FUT8: variants seen among roughly 807,000 people sequenced by gnomAD.
FUT8 encodes alpha-(1,6)-fucosyltransferase.
FUT8 carries 29 observed loss-of-function variants against 71.3 expected under a neutral mutation model. That is an observed-to-expected ratio of 0.41 (90% CI 0.30 to 0.55). The LOEUF (loss-of-function observed/expected upper bound fraction) is 0.55, where lower values mean the gene tolerates loss of function less well. Ranked by LOEUF, FUT8 falls within the 20% of genes least tolerant of loss-of-function variation. The pLI is 0.34. For synonymous variants in FUT8, 254 were observed against 239.3 expected (o/e 1.06, Z -0.57); for missense variants, 544 against 702.1 (o/e 0.77, Z 2.55).
In FUT8 at chr14:65,665,484, C is replaced by T. The variant is rs907267045; in HGVS notation, c.598-3759C>T. ...AGTGAAAGAAAGAACTTATACACTG[C>T]TGGTGGGAGTGTAAATTAGTTCAGC... is the stretch of plus-strand genomic sequence containing the variant. On this transcript the variant is annotated intron_variant, in intron 6 of 10. Coordinates refer to ENST00000673929, the MANE Select transcript of FUT8 (RefSeq NM_001371533.1). 2.0e-5 allele frequency among the ~76,000 whole-genome samples: 3 copies of T among 152,098 alleles called. No individual in the cohort carries two copies. The South Asian group carries it at 6.2e-4, about 32-fold the overall frequency.
chr14:65,718,737 T>C (rs546637055), intron 7 of FUT8, among the ~76,000 whole-genome samples: 1 of 152,222 alleles, frequency 6.6e-6, no homozygotes, highest in East Asian at 1.9e-4. Flanking sequence ...TCACTGGATA[T>C]ACTATTCTAG....
At chr14:65,706,685 T>TG (rs1203970412) in intron 7 of FUT8, among the ~76,000 whole-genome samples, 1 of 152,152 alleles carries the variant, frequency 6.6e-6, no homozygotes, top group Non-Finnish European at 1.5e-5. Flanking sequence ...ACAAGTTCTC[T>TG]GGGGTCTCCT....
At chr14:65,670,239 A>G (rs1892411292) in intron 7 of FUT8, among the ~76,000 whole-genome samples, 2 of 152,164 alleles carry the variant, frequency 1.3e-5, no homozygotes, top group South Asian at 4.2e-4. Flanking sequence ...ATGATCTTTA[A>G]GATCTAAAGT....
the FUT8 span, among the ~76,000 whole-genome samples, chr14:65,384,974 C>A: frequency 6.6e-6 from 1 of 151,910 alleles, no homozygotes; most frequent in African/African-American, 2.4e-5. The surrounding 1 kb of genome is among the most constrained non-coding windows in gnomAD (Gnocchi z 4.2). Flanking sequence ...TCACCGCAAC[C>A]TCCACTGCCC....
At chr14:65,465,694 T>C (rs768994127) in intron 2 of FUT8, among the ~76,000 whole-genome samples, 1 of 152,240 alleles carries the variant, frequency 6.6e-6, no homozygotes, top group Non-Finnish European at 1.5e-5. Flanking sequence ...GTATATTTTG[T>C]AGTCTCTCTT....
chr14:65,408,356 C>T (rs1272059291), upstream of FUT8, among the ~76,000 whole-genome samples: 1 of 152,166 alleles, frequency 6.6e-6, no homozygotes, highest in Non-Finnish European at 1.5e-5. Flanking sequence ...AGACTGGTGG[C>T]TATAGCTAGT....
intron 2 of FUT8, among the ~76,000 whole-genome samples, chr14:65,547,963 T>G (rs11621680): frequency 0.39 from 58,557 of 151,752 alleles, 12,935 homozygotes; most frequent in Non-Finnish European, 0.51. Context: ...CCACAGTATA[T>G]TTAGTCATTA....
At chr14:65,583,354 G>C (rs905542708) in intron 3 of FUT8, among the ~76,000 whole-genome samples, 7 of 151,852 alleles carry the variant, frequency 4.6e-5, no homozygotes, top group African/African-American at 1.5e-4. Context: ...GCAAATTTTT[G>C]GGTTTCATTA....
intron 7 of FUT8, among the ~76,000 whole-genome samples, chr14:65,713,824 C>A (rs1229296907): frequency 1.3e-5 from 2 of 152,138 alleles, no homozygotes; most frequent in Admixed American, 6.5e-5. Flanking sequence ...TCCCATTCTG[C>A]AGGTTGTCTC....
At chr14:65,453,229 CT>C (rs556935345) in intron 1 of FUT8, among the ~76,000 whole-genome samples, 161 of 151,542 alleles carry the variant, frequency 1.1e-3, no homozygotes, top group African/African-American at 3.6e-3. Flanking sequence ...GTATTAAACT[CT>C]TGGGCTCAAG....
At chr14:65,532,457 C>G (rs1171022822) in intron 2 of FUT8, among the ~76,000 whole-genome samples, 1 of 151,872 alleles carries the variant, frequency 6.6e-6, no homozygotes, top group Non-Finnish European at 1.5e-5. Flanking sequence ...GTGATCACAT[C>G]CTTTACCCAC....
At chr14:65,575,518 G>A (rs1325469909) in intron 3 of FUT8, among the ~76,000 whole-genome samples, 1 of 151,768 alleles carries the variant, frequency 6.6e-6, no homozygotes, top group Non-Finnish European at 1.5e-5. Context: ...TTAATGACAA[G>A]TTGGTTACCT....
chr14:65,650,344 T>G (rs1366058781), intron 6 of FUT8, among the ~76,000 whole-genome samples: 1 of 144,840 alleles, frequency 6.9e-6, no homozygotes, highest in African/African-American at 2.6e-5. Context: ...ACTGGGTAAT[T>G]TATAAAGAAA....
chr14:65,508,219 C>T (rs772980032), intron 2 of FUT8, among the ~76,000 whole-genome samples: 3 of 151,824 alleles, frequency 2.0e-5, no homozygotes, highest in Admixed American at 6.6e-5. Flanking sequence ...AGGCACACAC[C>T]GCTATGCCTG....
At chr14:65,477,299 C>T (rs1296904723) in intron 2 of FUT8, among the ~76,000 whole-genome samples, 1 of 152,124 alleles carries the variant, frequency 6.6e-6, no homozygotes, top group Non-Finnish European at 1.5e-5. Flanking sequence ...AGTAATGGCT[C>T]AATAAATGTT....
chr14:65,364,733 CCA>C, the FUT8 span, among the ~76,000 whole-genome samples: 2 of 152,168 alleles, frequency 1.3e-5, no homozygotes, highest in Non-Finnish European at 2.9e-5. Flanking sequence ...TATGACAGGA[CCA>C]CACACATTTC....
intron 2 of FUT8, chr14:65,458,048 G>A (rs1594651629): frequency 6.6e-6 from 1 of 151,652 alleles, no homozygotes; most frequent in African/African-American, 2.4e-5. Context: ...CGGGCGTAGT[G>A]GCGGGCGCCT....
At chr14:65,530,532 A>G (rs533012613) in intron 2 of FUT8, among the ~76,000 whole-genome samples, 1 of 152,292 alleles carries the variant, frequency 6.6e-6, no homozygotes, top group South Asian at 2.1e-4. Flanking sequence ...AGTGAGTTCA[A>G]ATGCTATTAT....
chr14:65,637,270 G>C (rs1210808922), intron 6 of FUT8, among the ~76,000 whole-genome samples: 2 of 152,158 alleles, frequency 1.3e-5, no homozygotes. Context: ...ATGTGGAAGA[G>C]ATTATCTTTA....
Sources: gnomAD v4.1 joint callset for allele counts (sites outside exome capture counted in the v4.1 genomes callset) on GRCh38, gnomAD v4.1.1 for gene constraint, Gnocchi (gnomAD v3.1) non-coding constraint, MANE v1.5 for transcripts, NCBI Gene and HGNC (gene_info 2026-07-23, HGNC 2026-07-21) for gene names.